AOPEP: variants seen among roughly 807,000 people sequenced by gnomAD.
AOPEP encodes the protein aminopeptidase O (putative).
Under a neutral mutation model 98.1 loss-of-function variants are expected in AOPEP, and 77 were observed. That is an observed-to-expected ratio of 0.78 (90% CI 0.65 to 0.95). The LOEUF (loss-of-function observed/expected upper bound fraction) is 0.95, where lower values mean the gene tolerates loss of function less well. Among genes scored for constraint, AOPEP ranks in the 40% least tolerant of loss-of-function variants. The pLI is 0.00. For synonymous variants in AOPEP, 346 were observed against 365.3 expected, an observed-to-expected ratio of 0.95 and a Z score of 0.60; for missense variants, 1,024 against 1,024.7, an observed-to-expected ratio of 1.00 and a Z score of 0.01.
intron 5 of AOPEP, among the ~76,000 whole-genome samples, chr9:94,850,024 G>C (rs1474900235): frequency 9.1e-6 from 1 of 110,216 alleles, no homozygotes; most frequent in Admixed American, 1.0e-4. Flanking sequence ...GACAGAGTGA[G>C]ATTCCATCTC....
At chr9:94,753,149 T>C (rs1163538691) in intron 1 of AOPEP, among the ~76,000 whole-genome samples, 1 of 152,084 alleles carries the variant, frequency 6.6e-6, no homozygotes, top group Non-Finnish European at 1.5e-5. Context: ...TCATGACCTA[T>C]AGAATATAAT....
intron 11 of AOPEP, among the ~76,000 whole-genome samples, chr9:94,999,146 AC>A (rs1315218461): frequency 5.9e-5 from 9 of 152,134 alleles, no homozygotes; most frequent in African/African-American, 1.7e-4. Flanking sequence ...TTAAAAAAAA[AC>A]AAAAAACCCC....
the AOPEP span, among the ~76,000 whole-genome samples, chr9:95,126,331 T>C: frequency 9.2e-5 from 14 of 152,364 alleles, no homozygotes; most frequent in South Asian, 1.7e-3. Context: ...ATCTTAATTC[T>C]TAGGCACTGG....
intron 14 of AOPEP, among the ~76,000 whole-genome samples, chr9:95,063,856 C>G (rs145880534): frequency 6.6e-6 from 1 of 151,638 alleles, no homozygotes; most frequent in African/African-American, 2.4e-5. Flanking sequence ...CCCAGGTGCT[C>G]GTGTGCACGT....
chr9:95,121,011 G>A, the AOPEP span, among the ~76,000 whole-genome samples: 1 of 152,176 alleles, frequency 6.6e-6, no homozygotes, highest in African/African-American at 2.4e-5. Flanking sequence ...GGGGAGGCAG[G>A]AGACCTCTCT....
At chr9:94,737,601 T>G (rs1832068459) in intron 1 of AOPEP, among the ~76,000 whole-genome samples, 1 of 152,236 alleles carries the variant, frequency 6.6e-6, no homozygotes, top group Non-Finnish European at 1.5e-5. Context: ...AAGTGCTGTT[T>G]GATATTATAC....
chr9:95,000,773 C>G (rs571383188), intron 11 of AOPEP, among the ~76,000 whole-genome samples: 1 of 152,196 alleles, frequency 6.6e-6, no homozygotes, highest in East Asian at 1.9e-4. Flanking sequence ...CTCCTAATCC[C>G]TCTGTTATTT....
At chr9:94,897,638 A>T (rs2049756213) in intron 5 of AOPEP, among the ~76,000 whole-genome samples, 1 of 152,228 alleles carries the variant, frequency 6.6e-6, no homozygotes, top group Admixed American at 6.5e-5. Flanking sequence ...GGGGGTGTAG[A>T]CAAATAAAGG....
At chr9:94,885,673 G>C (rs1314401700) in intron 5 of AOPEP, among the ~76,000 whole-genome samples, 2 of 152,126 alleles carry the variant, frequency 1.3e-5, no homozygotes, top group East Asian at 3.9e-4. Flanking sequence ...TCTTCATCAA[G>C]CCAAAACCCA....
At chr9:94,833,868 T>G (rs1183558446) in intron 5 of AOPEP, among the ~76,000 whole-genome samples, 5 of 151,680 alleles carry the variant, frequency 3.3e-5, no homozygotes, top group African/African-American at 1.2e-4. Flanking sequence ...AGAATGTAGC[T>G]AATAAATTAA....
chr9:94,754,627 T>C (rs1836583888), intron 1 of AOPEP, among the ~76,000 whole-genome samples: 1 of 152,146 alleles, frequency 6.6e-6, no homozygotes. Context: ...AAATCACAAA[T>C]ACCTTTGGAT....
chr9:94,993,675 C>A (rs938507807), intron 11 of AOPEP, among the ~76,000 whole-genome samples: 1 of 152,158 alleles, frequency 6.6e-6, no homozygotes, highest in Non-Finnish European at 1.5e-5. Flanking sequence ...TCAAACCGCA[C>A]TGAGAGACGT....
rs140857144 is a variant in AOPEP, at chr9:94,779,068, T to C, written c.964+5900T>C. Reference sequence around the variant, plus strand: ...CACATTTATTGTATATGTGCGGTGGTTAATTTTAGGTGTCAACTTGACTGG... The same window carrying C: ...CACATTTATTGTATATGTGCGGTGGCTAATTTTAGGTGTCAACTTGACTGG... On this transcript the variant is annotated intron_variant, in intron 3 of 16. Coordinates refer to ENST00000375315, the MANE Select transcript of AOPEP (RefSeq NM_001193329.3). 1.6e-3 allele frequency among the ~76,000 whole-genome samples: 237 copies of C among 151,838 alleles called. 4 individuals carry two copies. The East Asian group carries it at 0.032, about 21-fold the overall frequency.
At chr9:95,141,270 C>CCACT in the AOPEP span, among the ~76,000 whole-genome samples, 5 of 122,876 alleles carry the variant, frequency 4.1e-5, no homozygotes, top group Non-Finnish European at 6.3e-5. Context: ...CATGACTGTA[C>CCACT]CACTGCACTC....
At chr9:94,894,071 T>C (rs2049184022) in intron 5 of AOPEP, among the ~76,000 whole-genome samples, 1 of 152,176 alleles carries the variant, frequency 6.6e-6, no homozygotes, top group Non-Finnish European at 1.5e-5. Context: ...AAATGCAGAA[T>C]ATCTAGAAAA....
At chr9:94,753,132 C>A (rs1836212550) in intron 1 of AOPEP, among the ~76,000 whole-genome samples, 1 of 152,086 alleles carries the variant, frequency 6.6e-6, no homozygotes, top group African/African-American at 2.4e-5. Flanking sequence ...CTGACTGTTA[C>A]CCACATTCAT....
At chr9:94,936,315 G>A (rs962559952) in intron 7 of AOPEP, among the ~76,000 whole-genome samples, 3 of 151,974 alleles carry the variant, frequency 2.0e-5, no homozygotes, top group African/African-American at 4.8e-5. Flanking sequence ...ATCTCTTGTC[G>A]TTCTTTGCTT....
chr9:94,784,921 A>G (rs1050028470), intron 3 of AOPEP, among the ~76,000 whole-genome samples: 9 of 151,332 alleles, frequency 5.9e-5, no homozygotes, highest in Non-Finnish European at 1.2e-4. Flanking sequence ...CTGGCCCAGA[A>G]CTATATTTTA....
chr9:95,102,224 G>C, the AOPEP span, among the ~76,000 whole-genome samples: 1 of 152,196 alleles, frequency 6.6e-6, no homozygotes, highest in African/African-American at 2.4e-5. Flanking sequence ...GCATGCTGTG[G>C]CTTGACTTTC....
Sources: gnomAD v4.1 joint callset for allele counts (sites outside exome capture counted in the v4.1 genomes callset) on GRCh38, gnomAD v4.1.1 for gene constraint, MANE v1.5 for transcripts, NCBI Gene and HGNC (gene_info 2026-07-23, HGNC 2026-07-21) for gene names.